Variants in NIBAN2 observed in about 807,000 individuals in gnomAD.
The protein encoded by NIBAN2 is protein Niban 2.
In NIBAN2, 36 loss-of-function variants were observed where a neutral mutation model predicts 81.8. The observed-to-expected ratio is 0.44, with a 90% CI of 0.34 to 0.58. The LOEUF (loss-of-function observed/expected upper bound fraction) is 0.58. Among genes scored for constraint, NIBAN2 ranks in the 20% least tolerant of loss-of-function variants. The pLI, the probability that NIBAN2 is intolerant of heterozygous loss-of-function variation, is 0.02. For synonymous variants in NIBAN2, 445 were observed against 441.6 expected, an observed-to-expected ratio of 1.01 and a Z score of -0.10; for missense variants, 897 against 1,014.1, an observed-to-expected ratio of 0.88 and a Z score of 1.57.
At chr9:127,564,278 A>G (rs2249488) in intron 1 of NIBAN2, among the ~76,000 whole-genome samples, 40,038 of 149,464 alleles carry the variant, frequency 0.27, 5,518 homozygotes, top group East Asian at 0.29. Context: ...GGGCAACAAA[A>G]TGAGACTCTG....
chr9:127,555,461 A>G (rs1455184975), intron 1 of NIBAN2, among the ~76,000 whole-genome samples: 1 of 152,246 alleles, frequency 6.6e-6, no homozygotes. Flanking sequence ...AAAACCCCGA[A>G]GCCAGCCCGC....
Position 127,508,072 on chromosome 9 carries a change from G to A in NIBAN2, c.1542+21C>T, listed in dbSNP as rs1836646554. 8.1e-6 allele frequency: 13 copies of A among 1,612,230 alleles called. No homozygotes were observed. In the East Asian group the frequency reaches 1.8e-4, roughly 22 times the overall value. ...CCCCAACTTAGGGCCCAAACGGCTG[G>A]AGCAGGTGGGGGCTGCTCACCGACT... On this transcript the variant is annotated intron_variant, in intron 12 of 13. Coordinates refer to ENST00000373312, the MANE Select transcript of NIBAN2 (RefSeq NM_022833.4). The surrounding 1 kb of genome is among the most constrained non-coding windows in gnomAD (Gnocchi z 6.4).
chr9:127,529,504 G>T (rs987427088), intron 2 of NIBAN2, among the ~76,000 whole-genome samples: 8 of 152,306 alleles, frequency 5.3e-5, no homozygotes, highest in African/African-American at 1.9e-4. Flanking sequence ...GCGGGGTGTG[G>T]TGGTGGATGC....
chr9:127,571,416 G>A (rs898151453), upstream of NIBAN2, among the ~76,000 whole-genome samples: 6 of 152,132 alleles, frequency 3.9e-5, no homozygotes, highest in South Asian at 4.1e-4. Flanking sequence ...GTGGAAAGGC[G>A]GCCGGGCGCA....
In NIBAN2 at chr9:127,510,500, G is replaced by A. The variant is rs1245587912; in HGVS notation, c.974-167C>T. ...CGCCCAGGCTGGAGTGCAGTGGCGC[G>A]ATCTCAGCTCACTGCAACCTCCACC... is the stretch of plus-strand genomic sequence containing the variant. On this transcript the variant is annotated intron_variant, in intron 8 of 13. Transcript: ENST00000373312. 2.6e-5 allele frequency among the ~76,000 whole-genome samples: 4 copies of A among 152,030 alleles called. No individual in the cohort carries two copies. The South Asian group carries it at 6.2e-4, about 24-fold the overall frequency.
chr9:127,524,479 G>C (rs758759119), intron 4 of NIBAN2, among the ~76,000 whole-genome samples: 4 of 152,212 alleles, frequency 2.6e-5, no homozygotes, highest in Non-Finnish European at 4.4e-5. Flanking sequence ...TAGTGCCTGT[G>C]CTTTGTAGAC....
chr9:127,537,539 G>A (rs1437173584), intron 1 of NIBAN2, among the ~76,000 whole-genome samples: 1 of 152,316 alleles, frequency 6.6e-6, no homozygotes, highest in East Asian at 1.9e-4. Context: ...GAAGCCAAGG[G>A]GGACAGCAGG....
intron 1 of NIBAN2, among the ~76,000 whole-genome samples, chr9:127,555,674 C>T (rs1415153093): frequency 6.6e-6 from 1 of 152,238 alleles, no homozygotes; most frequent in Non-Finnish European, 1.5e-5. Context: ...GCTGAGCCTG[C>T]TCCCTTTCCC....
Position 127,510,116 on chromosome 9 carries a change from A to G in NIBAN2, c.1161+30T>C, listed in dbSNP as rs369810394. 6.1e-5 allele frequency: 96 copies of G among 1,580,934 alleles called. No individual in the cohort carries two copies. The Admixed American group carries it at 6.2e-4, about 10-fold the overall frequency. On this transcript the variant is annotated intron_variant, in intron 9 of 13. Transcript: ENST00000373312. ...GACAGACCAGACCTACTCTCAGGAGACCCCCTCCTAGGGGCGGTGCCGGCC... is the reference window on the plus strand; with the variant it reads ...GACAGACCAGACCTACTCTCAGGAGGCCCCCTCCTAGGGGCGGTGCCGGCC...
chr9:127,565,335 C>T (rs1031584334), intron 1 of NIBAN2, among the ~76,000 whole-genome samples: 2 of 152,116 alleles, frequency 1.3e-5, no homozygotes, highest in African/African-American at 4.8e-5. Context: ...TAGGAGGAAA[C>T]AGGAGCGACT....
intron 2 of NIBAN2, among the ~76,000 whole-genome samples, chr9:127,527,734 A>AG (rs1837102951): frequency 6.6e-6 from 1 of 152,162 alleles, no homozygotes; most frequent in African/African-American, 2.4e-5. Flanking sequence ...CGCTCCGGGC[A>AG]CGGGGGACAC....
chr9:127,568,981 GC>G lies in NIBAN2; in HGVS notation c.-108del. ...GAGCCCGGCCCGCCCTGCTTCCCCCGCTCCCGCCGCTCCCGCCGCTCCCGCC... is the reference window on the plus strand; with the variant it reads ...GAGCCCGGCCCGCCCTGCTTCCCCCGTCCCGCCGCTCCCGCCGCTCCCGCC... On this transcript the variant is annotated 5_prime_UTR_variant, in exon 1 of 14. Transcript: ENST00000373312. 1.1e-5 allele frequency: 1 copy of G among 91,550 alleles called. No individual in the cohort carries two copies. Among genetic ancestry groups the G allele is most frequent in the Admixed American group, 8.5e-4 (1 of 1,178 alleles). The allele number at this position is 91,550 out of a possible 1,614,324, so 5.7% of individuals were successfully genotyped here.
chr9:127,563,767 G>T lies in NIBAN2; in HGVS notation c.55+5053C>A, dbSNP rs779273279. Among the ~76,000 whole-genome samples the T allele has an allele frequency of 8.5e-5, 13 of 152,090 alleles. No individual in the cohort carries two copies. The highest frequency in any genetic ancestry group is 1.5e-4 in the Non-Finnish European group (10 of 68,030). ...TTGACCTCAGGTGATCTGCCTGCCT[G>T]TCTCCCAAAGCGCTGGAATTACAAG... On this transcript the variant is annotated intron_variant, in intron 1 of 13. Transcript: ENST00000373312. This position sits in a 1 kb window ranked among gnomAD's most constrained non-coding sequence, Gnocchi z 4.1.
At chr9:127,537,780 G>A (rs559159616) in intron 1 of NIBAN2, among the ~76,000 whole-genome samples, 4 of 152,086 alleles carry the variant, frequency 2.6e-5, no homozygotes, top group African/African-American at 4.8e-5. Context: ...TGTATGAACC[G>A]AGGCTCAGAA....
Position 127,507,225 on chromosome 9 carries a change from G to A in NIBAN2, c.1861C>T (p.Gln621Ter). Residue 621 changes from glutamine (Q) to a stop codon, truncating the protein, a stop_gained, in exon 14 of 14, where the codon CAG (glutamine) becomes TAG (stop). Coordinates refer to ENST00000373312, the MANE Select transcript of NIBAN2 (RefSeq NM_022833.4). LOFTEE classifies it low-confidence loss of function (END_TRUNC). This position sits in a 1 kb window ranked among gnomAD's most constrained non-coding sequence, Gnocchi z 6.8. ...TLSEKRRRAK[Q>*]VVSVVQDEEV... ...TCATCCTGGACCACAGAGACCACCTGCTTGGCGCGCCGTCGCTTTTCCGAG... is the reference window on the plus strand; with the variant it reads ...TCATCCTGGACCACAGAGACCACCTACTTGGCGCGCCGTCGCTTTTCCGAG... 6.2e-7 allele frequency: 1 copy of A among 1,612,094 alleles called. No individual in the cohort carries two copies. Among genetic ancestry groups the A allele is most frequent in the Non-Finnish European group, 8.5e-7 (1 of 1,179,026 alleles).
Position 127,527,526 on chromosome 9 carries a change from C to T in NIBAN2, c.187-204G>A, listed in dbSNP as rs141627674. On this transcript the variant is annotated intron_variant, in intron 2 of 13. Coordinates refer to ENST00000373312, the MANE Select transcript of NIBAN2 (RefSeq NM_022833.4). ...GCAGAGGAGGAGCGAGACTCGGAGC[C>T]GTGGAGGGGCTCACCCAGCATCCAG... Among the ~76,000 whole-genome samples the T allele has an allele frequency of 1.7e-3, 253 of 152,320 alleles. 1 individual carries two copies. Among genetic ancestry groups the T allele is most frequent in the African/African-American group, 6.0e-3 (248 of 41,568 alleles).
rs11788951 is a variant in NIBAN2 at position 127,510,138 on chromosome 9, G to A, written c.1161+8C>T. 164,433 of 1,604,290 alleles carry A rather than the reference G, an allele frequency of 0.1. 9,813 individuals are homozygous for A. The highest frequency in any genetic ancestry group is 0.23 in the Admixed American group (13,605 of 59,580). On this transcript the variant is annotated splice_region_variant and intron_variant, in intron 9 of 13. Transcript: ENST00000373312. Reference sequence around the variant, plus strand: ...GAGACCCCCTCCTAGGGGCGGTGCCGGCCTCACCTCGCCCAGCTTGTCAAT... The same window carrying A: ...GAGACCCCCTCCTAGGGGCGGTGCCAGCCTCACCTCGCCCAGCTTGTCAAT...
At chr9:127,558,850 G>T (rs1177167882) in intron 1 of NIBAN2, among the ~76,000 whole-genome samples, 1 of 152,086 alleles carries the variant, frequency 6.6e-6, no homozygotes, top group East Asian at 1.9e-4. Context: ...CAGCTAAAAC[G>T]CAATTGCCAT....
At chr9:127,575,068 G>A (rs553180708) in intron 1 of NIBAN2, among the ~76,000 whole-genome samples, 73 of 152,218 alleles carry the variant, frequency 4.8e-4, no homozygotes, top group African/African-American at 1.7e-3. Flanking sequence ...CTAACCTTCT[G>A]TGGCTTCCAC....
Sources: gnomAD v4.1 joint callset for allele counts (sites outside exome capture counted in the v4.1 genomes callset) on GRCh38, gnomAD v4.1.1 for gene constraint, Gnocchi (gnomAD v3.1) non-coding constraint, MANE v1.5 for transcripts, NCBI Gene and HGNC (gene_info 2026-07-23, HGNC 2026-07-21) for gene names.